The following POLE variants were observed in gnomAD, a reference collection of about 807,000 sequenced individuals.
The protein encoded by POLE is DNA polymerase epsilon catalytic subunit A.
POLE carries 188 observed loss-of-function variants against 279.2 expected under a neutral mutation model. That is an observed-to-expected ratio of 0.67 (90% confidence interval 0.60 to 0.76). The LOEUF is 0.76. POLE is among the 30% of genes least tolerant of loss of function. The probability of loss-of-function intolerance (pLI) is 0.00; values close to 1 mark genes in which losing one functional copy is unlikely to be tolerated. For synonymous variants in POLE, 1,214 were observed against 1,172.5 expected (o/e 1.04, Z -0.72); for missense variants, 2,703 against 3,016.7 (o/e 0.90, Z 2.44).
intron 16 of POLE, among the ~76,000 whole-genome samples, chr12:132,669,228 A>G (rs2042868799): frequency 6.6e-6 from 1 of 152,072 alleles, no homozygotes. Flanking sequence ...ACTTTCGGAG[A>G]CCGAGGCCAG....
In POLE at chr12:132,661,527, CTCT is replaced by C; in HGVS notation, c.2861_2863del (p.Lys954del). The C allele has an allele frequency of 1.2e-6, 2 of 1,613,996 alleles. No homozygotes were observed. Among genetic ancestry groups the C allele is most frequent in the Non-Finnish European group, 1.7e-6 (2 of 1,179,918 alleles). ...AGCACAAAAGCTATGAGAGTCCCAC[CTCT>C]TCTTCAATTTCTTGCCTTCTTCCTT... is the stretch of plus-strand genomic sequence containing the variant. On this transcript the variant is annotated inframe_deletion and splice_region_variant, in exon 24 of 49. Transcript: ENST00000320574. The surrounding 1 kb of genome is among the most constrained non-coding windows in gnomAD (Gnocchi z 4.1).
chr12:132,657,802 A>G (rs1425410650), intron 27 of POLE, 66 bp downstream of exon 27: 21 of 1,073,306 alleles, frequency 2.0e-5, no homozygotes, highest in Non-Finnish European at 2.1e-5. Context: ...TCCAACTCAG[A>G]CATATTCTGC....
rs766097999 is a variant in POLE, at chr12:132,664,559, G to A, written c.2469-97C>T. ...GTAGGGAGGAGGAAAGGAGAGATGC[G>A]ACAGGGACAAGGGAAGCAGCCAAAT... On this transcript the variant is annotated intron_variant, in intron 21 of 48. Coordinates refer to ENST00000320574, the MANE Select transcript of POLE (RefSeq NM_006231.4). This position sits in a 1 kb window ranked among gnomAD's most constrained non-coding sequence, Gnocchi z 5.3. The A allele has an allele frequency of 5.2e-5, 47 of 898,612 alleles. No homozygotes were observed. Among genetic ancestry groups the A allele is most frequent in the Non-Finnish European group, 7.6e-5 (42 of 553,316 alleles). 55.7% of individuals were successfully genotyped at this position (898,612 alleles called of 1,614,324 possible). A position where few individuals can be genotyped will look rare whatever the true frequency, so the allele number is the denominator to read the frequency against.
chr12:132,639,091 C>T lies in POLE; in HGVS notation c.5552+34G>A, dbSNP rs370387543. On this transcript the variant is annotated intron_variant, in intron 40 of 48. Coordinates refer to ENST00000320574, the MANE Select transcript of POLE (RefSeq NM_006231.4). This position sits in a 1 kb window ranked among gnomAD's most constrained non-coding sequence, Gnocchi z 4.7. The stretch of plus-strand genomic sequence containing the variant: ...AGTAAGGGACCAGCCCAGCTGAGGA[C>T]GCGGTGGACAGCCCAGGGAGGAGGA... 26 of 1,601,790 alleles carry T rather than the reference C, an allele frequency of 1.6e-5. No individual in the cohort carries two copies. Among genetic ancestry groups the T allele is most frequent in the Admixed American group, 1.2e-4 (7 of 59,882 alleles).
At chr12:132,679,125 G>A (rs574313815) in intron 6 of POLE, among the ~76,000 whole-genome samples, 2 of 152,286 alleles carry the variant, frequency 1.3e-5, no homozygotes, top group Non-Finnish European at 2.9e-5. Context: ...AAATTTCTGT[G>A]GACGATACCC....
chr12:132,657,064 C>T lies in POLE; in HGVS notation c.3582+72G>A, dbSNP rs933912012. On this transcript the variant is annotated intron_variant, in intron 29 of 48. Coordinates refer to ENST00000320574, the MANE Select transcript of POLE (RefSeq NM_006231.4). Reference sequence around the variant, plus strand: ...AGAAGCTTCACTACAGCACACACAGCAGCGCAAGAAGCCTGGAGTCCTGTG... The same window carrying T: ...AGAAGCTTCACTACAGCACACACAGTAGCGCAAGAAGCCTGGAGTCCTGTG... 8 of 1,509,224 alleles carry T rather than the reference C, an allele frequency of 5.3e-6. No homozygotes were observed. In the African/African-American group the frequency reaches 6.9e-5, roughly 13 times the overall value. The allele number at this position is 1,509,224 out of a possible 1,614,324, so 93.5% of individuals were successfully genotyped here.
intron 9 of POLE, 44 bp downstream of exon 9, chr12:132,676,502 G>C (rs777801717): frequency 8.3e-7 from 1 of 1,206,268 alleles, no homozygotes; most frequent in African/African-American, 1.5e-5. Context: ...GACCAGACAA[G>C]GTCCCCATCC....
chr12:132,629,931 T>C (rs1006693721), intron 45 of POLE, among the ~76,000 whole-genome samples: 3 of 152,168 alleles, frequency 2.0e-5, no homozygotes, highest in South Asian at 2.1e-4. Flanking sequence ...CTTGAACACG[T>C]AGAGGCCATT....
chr12:132,656,656 T>A (rs1234740317), intron 29 of POLE, among the ~76,000 whole-genome samples: 1 of 152,208 alleles, frequency 6.6e-6, no homozygotes, highest in Non-Finnish European at 1.5e-5. Flanking sequence ...CCGCACCTGG[T>A]CAAAGAACCT....
chr12:132,665,593 C>A (rs1275006945), intron 20 of POLE, 143 bp from the exon 21 acceptor site: 22 of 876,376 alleles, frequency 2.5e-5, no homozygotes, highest in Non-Finnish European at 2.9e-5. Flanking sequence ...AGTGTACATT[C>A]TTCTCCTAGA....
chr12:132,626,832 T>C (rs1201472396), intron 45 of POLE, among the ~76,000 whole-genome samples: 3 of 152,246 alleles, frequency 2.0e-5, no homozygotes, highest in African/African-American at 7.2e-5. Context: ...AACAAATGGT[T>C]CTTGAATACA....
At chr12:132,680,734 G>T in intron 2 of POLE, 47 bp from the exon 3 acceptor site, 1 of 1,448,622 alleles carries the variant, frequency 6.9e-7, no homozygotes, top group Non-Finnish European at 9.7e-7. Flanking sequence ...CCTCTACACA[G>T]TTAGAGAAAC....
rs1041250955 is a variant in POLE, at chr12:132,686,280, C to T, written c.62+974G>A. On this transcript the variant is annotated intron_variant, in intron 1 of 48. Coordinates refer to ENST00000320574, the MANE Select transcript of POLE (RefSeq NM_006231.4). ...TATCCTTGCTCTATTTTTTTTGAGA[C>T]TGGGTCTGGCTCCGTCGCCCAGGCT... Among the ~76,000 whole-genome samples, 3 of 151,152 alleles carry T rather than the reference C, an allele frequency of 2.0e-5. No homozygotes were observed. The East Asian group carries it at 6.0e-4, about 30-fold the overall frequency.
At chr12:132,625,612 A>G (rs999764287) in intron 47 of POLE, 33 bp downstream of exon 47, 1 of 1,610,452 alleles carries the variant, frequency 6.2e-7, no homozygotes, top group Admixed American at 1.7e-5. Flanking sequence ...TGTGGACTCC[A>G]GGGCACACGG....
chr12:132,661,004 C>A lies in POLE; in HGVS notation c.3025G>T (p.Val1009Leu). 1 of 1,613,698 alleles carries A rather than the reference C, an allele frequency of 6.2e-7. No homozygotes were observed. Among genetic ancestry groups the A allele is most frequent in the Non-Finnish European group, 8.5e-7 (1 of 1,179,812 alleles). ...LEEVYGSVAK[V>L]ADYWLDVLYS... ...AGCACGTCCAGCCAGTAGTCAGCCA[C>A]CTTGGCTACAGAGCCATACACCTCT... Residue 1009 changes from valine (V) to leucine (L), a missense_variant, in exon 25 of 49, where the codon GTG becomes TTG. By Grantham distance (32) the Val-to-Leu change is conservative. Coordinates refer to ENST00000320574, the MANE Select transcript of POLE (RefSeq NM_006231.4). This position sits in a 1 kb window ranked among gnomAD's most constrained non-coding sequence, Gnocchi z 4.1.
At chr12:132,660,925 C>T (rs1358895273) in intron 25 of POLE, 44 bp downstream of exon 25, 1 of 1,487,716 alleles carries the variant, frequency 6.7e-7, no homozygotes, top group Non-Finnish European at 9.0e-7. Flanking sequence ...CTTGCTTCAT[C>T]CTTCATCCCT....
chr12:132,646,804 C>CT (rs56380194), intron 32 of POLE, among the ~76,000 whole-genome samples: 81,163 of 151,738 alleles, frequency 0.53, 22,995 homozygotes, highest in African/African-American at 0.71. Context: ...GGACTCCAGC[C>CT]GGGCAACAGG....
At chr12:132,663,461 C>T (rs928894098) in intron 23 of POLE, among the ~76,000 whole-genome samples, 4 of 152,256 alleles carry the variant, frequency 2.6e-5, no homozygotes, top group African/African-American at 7.2e-5. Flanking sequence ...ACAGACAACC[C>T]CTGATCAAGG....
chr12:132,681,335 C>CCTTTTTTCT, intron 1 of POLE, 56 bp from the exon 2 acceptor site: 1 of 1,552,358 alleles, frequency 6.4e-7, no homozygotes. Flanking sequence ...GCTGCTGCTT[C>CCTTTTTTCT]TTTTTTTCTT....
Sources: gnomAD v4.1 joint callset for allele counts (sites outside exome capture counted in the v4.1 genomes callset) on GRCh38, gnomAD v4.1.1 for gene constraint, Gnocchi (gnomAD v3.1) non-coding constraint, MANE v1.5 for transcripts, NCBI Gene and HGNC (gene_info 2026-07-23, HGNC 2026-07-21) for gene names.